DGKB: variants seen among roughly 807,000 people sequenced by gnomAD.
DGKB encodes 90 kDa diacylglycerol kinase.
DGKB carries 67 observed loss-of-function variants against 114.3 expected under a neutral mutation model. The observed-to-expected ratio is 0.59, with a 90% CI of 0.48 to 0.72. The LOEUF is 0.72. Ranked by LOEUF, DGKB falls within the 30% of genes least tolerant of loss-of-function variation. The pLI is 0.00. For missense variants in DGKB, 907 were observed against 975.2 expected (o/e 0.93, Z 0.93); for synonymous variants, 398 against 323.1 (o/e 1.23, Z -2.49).
Position 14,461,322 on chromosome 7 carries a change from GTTT to G in DGKB, c.1835+16836_1835+16838del, listed in dbSNP as rs35867012. On this transcript the variant is annotated intron_variant, in intron 21 of 25. Coordinates refer to ENST00000402815, the MANE Select transcript of DGKB (RefSeq NM_001350709.2). Reference sequence around the variant, plus strand: ...CAAAAAATCAATGAATCCAGGAGCTGTTTTTTTTTTTTAAAGATAAACAAAATA... The same window carrying G: ...CAAAAAATCAATGAATCCAGGAGCTGTTTTTTTTTAAAGATAAACAAAATA... Among the ~76,000 whole-genome samples, 394 of 145,238 alleles carry G rather than the reference GTTT, an allele frequency of 2.7e-3. 1 individual carries two copies. The highest frequency in any genetic ancestry group is 0.021 in the Admixed American group (305 of 14,756).
rs1232134995 is a variant in DGKB at position 14,569,897 on chromosome 7, T to C, written c.1770+4315A>G. Reference sequence around the variant, plus strand: ...TTTGCAGAGAGTTTTAACATTTTCTTTATATAGGTCATGTGTATTTTTTAT... The same window carrying C: ...TTTGCAGAGAGTTTTAACATTTTCTCTATATAGGTCATGTGTATTTTTTAT... On this transcript the variant is annotated intron_variant, in intron 20 of 25. Transcript: ENST00000402815. Among the ~76,000 whole-genome samples the C allele has an allele frequency of 5.9e-5, 9 of 151,692 alleles. No homozygotes were observed. The East Asian group carries it at 1.5e-3, about 26-fold the overall frequency.
chr7:14,302,257 G>A (rs1803693015), intron 23 of DGKB, among the ~76,000 whole-genome samples: 2 of 152,020 alleles, frequency 1.3e-5, no homozygotes, highest in Admixed American at 1.3e-4. Flanking sequence ...GGTTCCTCTG[G>A]TGTACAGAGG....
intron 21 of DGKB, among the ~76,000 whole-genome samples, chr7:14,430,080 T>C (rs975878948): frequency 1.3e-5 from 2 of 152,202 alleles, no homozygotes; most frequent in African/African-American, 4.8e-5. Context: ...TCACAGGAAA[T>C]ATGTTTGACT....
rs140476072 is a variant in DGKB at position 14,277,746 on chromosome 7, C to G, written c.2122+60769G>C. Among the ~76,000 whole-genome samples, 597 of 152,292 alleles carry G rather than the reference C, an allele frequency of 3.9e-3. 3 individuals carry two copies. Among genetic ancestry groups the G allele is most frequent in the African/African-American group, 0.014 (578 of 41,574 alleles). ...CATGAGGATGCAGATATCCTTTTGA[C>G]ATATTGATTTCAGTTTTCAATTTCT... On this transcript the variant is annotated intron_variant, in intron 23 of 25. Coordinates refer to ENST00000402815, the MANE Select transcript of DGKB (RefSeq NM_001350709.2).
chr7:14,654,302 T>G lies in DGKB; in HGVS notation c.1134+18627A>C, dbSNP rs1815311677. 2.6e-5 allele frequency among the ~76,000 whole-genome samples: 4 copies of G among 151,960 alleles called. No homozygotes were observed. The South Asian group carries it at 8.3e-4, about 31-fold the overall frequency. On this transcript the variant is annotated intron_variant, in intron 13 of 25. Coordinates refer to ENST00000402815, the MANE Select transcript of DGKB (RefSeq NM_001350709.2). ...CCCATTTATAATAGCTTAAATAAAA[T>G]AATAAAATACTTAGGAATAAATTTA...
chr7:14,964,139 AG>A (rs1195421922), intron 1 of DGKB, among the ~76,000 whole-genome samples: 1 of 152,120 alleles, frequency 6.6e-6, no homozygotes, highest in Admixed American at 6.6e-5. Context: ...ATGAGTAAGA[AG>A]AAGGAATAGA....
chr7:14,733,782 A>G (rs998521080), intron 5 of DGKB, among the ~76,000 whole-genome samples: 3 of 148,862 alleles, frequency 2.0e-5, no homozygotes, highest in South Asian at 2.2e-4. Context: ...AGAAAGGAAG[A>G]AAGAAAGAAG....
chr7:14,875,132 A>AAATAAT (rs967124374), intron 1 of DGKB, among the ~76,000 whole-genome samples: 1 of 152,012 alleles, frequency 6.6e-6, no homozygotes, highest in Non-Finnish European at 1.5e-5. Context: ...GAGAATACCA[A>AAATAAT]AATAATAATA....
chr7:14,671,378 A>C (rs1818937786), intron 13 of DGKB, among the ~76,000 whole-genome samples: 2 of 152,182 alleles, frequency 1.3e-5, no homozygotes, highest in South Asian at 4.1e-4. Context: ...ATAGTACCAC[A>C]AAAATGGTAA....
Position 14,670,941 on chromosome 7 carries a change from A to C in DGKB, c.1134+1988T>G, listed in dbSNP as rs187526476. On this transcript the variant is annotated intron_variant, in intron 13 of 25. Coordinates refer to ENST00000402815, the MANE Select transcript of DGKB (RefSeq NM_001350709.2). ...CAATGAATATTTACTGAATAAATTA[A>C]ATAATATTTTAGCATAGTCTCTGGG... Among the ~76,000 whole-genome samples the C allele has an allele frequency of 2.0e-5, 3 of 152,322 alleles. No individual in the cohort carries two copies. In the East Asian group the frequency reaches 5.8e-4, roughly 29 times the overall value.
At chr7:14,353,608 A>C (rs1813902838) in intron 21 of DGKB, among the ~76,000 whole-genome samples, 1 of 152,186 alleles carries the variant, frequency 6.6e-6, no homozygotes, top group Admixed American at 6.5e-5. Context: ...ACATAAATAG[A>C]ATCATTATTT....
chr7:14,616,410 A>G (rs773166444), intron 15 of DGKB, among the ~76,000 whole-genome samples: 2 of 151,606 alleles, frequency 1.3e-5, no homozygotes, highest in Non-Finnish European at 3.0e-5. Flanking sequence ...GATTGTATCC[A>G]ATCTGTCTAT....
chr7:14,408,304 G>A (rs138442323), intron 21 of DGKB, among the ~76,000 whole-genome samples: 20 of 152,136 alleles, frequency 1.3e-4, no homozygotes, highest in Non-Finnish European at 2.9e-5. Context: ...TAATTATCAT[G>A]GAAGTACTTC....
At chr7:14,443,252 T>C (rs781671638) in intron 21 of DGKB, among the ~76,000 whole-genome samples, 27 of 152,150 alleles carry the variant, frequency 1.8e-4, no homozygotes, top group Non-Finnish European at 3.2e-4. Flanking sequence ...TCAGATCCCA[T>C]CACTTCTCTC....
At chr7:14,612,197 C>CA (rs1246652307) in intron 16 of DGKB, among the ~76,000 whole-genome samples, 1 of 83,180 alleles carries the variant, frequency 1.2e-5, no homozygotes, top group Non-Finnish European at 3.1e-5. Flanking sequence ...TTATTTGAGA[C>CA]AGAGTCTCAC....
intron 14 of DGKB, among the ~76,000 whole-genome samples, chr7:14,624,273 A>G (rs1017567988): frequency 1.4e-4 from 22 of 152,336 alleles, no homozygotes; most frequent in African/African-American, 5.3e-4. Flanking sequence ...GCATGCATAT[A>G]TATAAAACAT....
intron 23 of DGKB, among the ~76,000 whole-genome samples, chr7:14,327,818 A>T (rs1053129823): frequency 6.6e-6 from 1 of 152,092 alleles, no homozygotes; most frequent in African/African-American, 2.4e-5. Context: ...CAAGTATAAA[A>T]ATTTTTGTAA....
intron 25 of DGKB, among the ~76,000 whole-genome samples, chr7:14,174,244 C>G (rs10230477): frequency 0.061 from 9,296 of 152,182 alleles, 683 homozygotes; most frequent in African/African-American, 0.17. Flanking sequence ...CCTGGGTTTC[C>G]ATTTCTACTT....
intron 23 of DGKB, among the ~76,000 whole-genome samples, chr7:14,274,411 A>G (rs187535100): frequency 6.6e-6 from 1 of 152,232 alleles, no homozygotes; most frequent in East Asian, 1.9e-4. Context: ...TCTTCAATGA[A>G]TCCTAGTTAC....
Sources: gnomAD v4.1 joint callset for allele counts (sites outside exome capture counted in the v4.1 genomes callset) on GRCh38, gnomAD v4.1.1 for gene constraint, MANE v1.5 for transcripts, NCBI Gene and HGNC (gene_info 2026-07-23, HGNC 2026-07-21) for gene names.